The following SLC25A36 variants were observed in gnomAD, a reference collection of about 807,000 sequenced individuals.
The protein encoded by SLC25A36 is epididymis secretory sperm binding protein.
A neutral mutation model predicts 35.3 loss-of-function variants in SLC25A36; 24 were observed. The ratio of observed to expected loss-of-function variants is 0.68; its 90% CI spans 0.49 to 0.96. The LOEUF is 0.96. Among genes scored for constraint, SLC25A36 ranks in the 40% least tolerant of loss-of-function variants. The pLI, the probability that SLC25A36 is intolerant of heterozygous loss-of-function variation, is 0.00. For missense variants in SLC25A36, 294 were observed against 381.1 expected, an observed-to-expected ratio of 0.77 and a Z score of 1.90; for synonymous variants, 141 against 132.2, an observed-to-expected ratio of 1.07 and a Z score of -0.46.
At chr3:140,975,056 G>GTCA (rs1935001018) in intron 6 of SLC25A36, among the ~76,000 whole-genome samples, 1 of 124,842 alleles carries the variant, frequency 8.0e-6, no homozygotes, top group Admixed American at 9.2e-5. Flanking sequence ...GTGAGATGAT[G>GTCA]TCATTACAGG....
chr3:140,963,359 G>T (rs905236358), intron 4 of SLC25A36, 132 bp downstream of exon 4: 2 of 615,336 alleles, frequency 3.3e-6, no homozygotes, highest in Non-Finnish European at 5.4e-6. Flanking sequence ...TACGTTTATC[G>T]ATATAAACCA....
intron 3 of SLC25A36, among the ~76,000 whole-genome samples, chr3:140,962,120 G>A (rs877142): frequency 0.29 from 44,021 of 151,686 alleles, 11,245 homozygotes; most frequent in African/African-American, 0.69. Flanking sequence ...TTTCTTACCA[G>A]TTTCTAGAAA....
At chr3:140,942,608 C>G (rs1185690032) in intron 1 of SLC25A36, 1 of 152,588 alleles carries the variant, frequency 6.6e-6, no homozygotes, top group Non-Finnish European at 1.5e-5. Context: ...AGGCTGAGGA[C>G]AAAATGGGCG....
chr3:140,955,664 G>A (rs1934460788), intron 1 of SLC25A36, among the ~76,000 whole-genome samples: 1 of 152,046 alleles, frequency 6.6e-6, no homozygotes, highest in African/African-American at 2.4e-5. Flanking sequence ...GTGTAGGCCT[G>A]ACAGGTATTA....
chr3:140,968,799 TC>T (rs1934830049), intron 4 of SLC25A36: 1 of 686,434 alleles, frequency 1.5e-6, no homozygotes, highest in Non-Finnish European at 1.8e-6. Context: ...TAGGTGCTCA[TC>T]TTCTTTTCAA....
chr3:140,958,960 T>TTG (rs377492880), intron 2 of SLC25A36, among the ~76,000 whole-genome samples: 7,522 of 112,520 alleles, frequency 0.067, 267 homozygotes, highest in Non-Finnish European at 0.085. Flanking sequence ...AAACAATGTT[T>TTG]TGTGTGTGTG....
chr3:140,965,222 A>G (rs1353758277), intron 4 of SLC25A36: 5 of 151,830 alleles, frequency 3.3e-5, no homozygotes, highest in Admixed American at 3.3e-4. Flanking sequence ...CAGACTCATT[A>G]AAGTAGGCTT....
intron 4 of SLC25A36, chr3:140,963,508 T>G (rs1934682185): frequency 9.1e-6 from 2 of 219,600 alleles, no homozygotes; most frequent in African/African-American, 4.6e-5. Context: ...GTTTTAAGAA[T>G]CCAACCATAA....
At chr3:140,972,432 A>T (rs1428000515) in intron 5 of SLC25A36, among the ~76,000 whole-genome samples, 1 of 151,924 alleles carries the variant, frequency 6.6e-6, no homozygotes, top group African/African-American at 2.4e-5. Context: ...AGGCCAGGGC[A>T]GGAGGATTGC....
At chr3:140,966,438 C>G in intron 4 of SLC25A36, 1 of 205,408 alleles carries the variant, frequency 4.9e-6, no homozygotes, top group Non-Finnish European at 1.0e-5. Context: ...GTGAAAGGTA[C>G]TATTGTAGCA....
At position 140,941,911 on chromosome 3, in the gene SLC25A36, G is replaced by T. The variant is rs1934009402; in HGVS notation, c.-144G>T. ...TGCCGCGGGGAGGGCTGTGCCGGTT[G>T]CTTTCTGCAGCCGCATCTCGGCCAG... On this transcript the variant is annotated 5_prime_UTR_variant, in exon 1 of 7. Transcript: ENST00000324194. The T allele has an allele frequency of 1.8e-6, 1 of 546,714 alleles. No homozygotes were observed. The highest frequency in any genetic ancestry group is 3.2e-6 in the Non-Finnish European group (1 of 310,620). 33.9% of individuals were successfully genotyped at this position (546,714 alleles called of 1,614,324 possible).
rs892062671 is a variant in SLC25A36 at position 140,968,524 on chromosome 3, G to A, written c.386-2403G>A. The A allele has an allele frequency of 6.2e-6, 6 of 967,146 alleles. No individual in the cohort carries two copies. The African/African-American group carries it at 8.8e-5, about 14-fold the overall frequency. The allele number at this position is 967,146 out of a possible 1,614,324, so 59.9% of individuals were successfully genotyped here. On this transcript the variant is annotated intron_variant, in intron 4 of 6. Coordinates refer to ENST00000324194, the MANE Select transcript of SLC25A36 (RefSeq NM_001104647.3). ...GCTTGGAAATGAATTTTAGTTAAGT[G>A]AGAAATACCTGTTGTTTGCTTTCTG...
intron 2 of SLC25A36, among the ~76,000 whole-genome samples, chr3:140,958,807 T>TAAGA (rs1559813226): frequency 6.6e-6 from 1 of 152,172 alleles, no homozygotes; most frequent in East Asian, 1.9e-4. Context: ...AAATCGAAGA[T>TAAGA]AAGAGTAGCA....
At chr3:140,956,457 A>G in intron 1 of SLC25A36, 70 bp from the exon 2 acceptor site, 1 of 1,359,244 alleles carries the variant, frequency 7.4e-7, no homozygotes, top group Non-Finnish European at 9.5e-7. Flanking sequence ...TGTGGATTAC[A>G]GCTCTGGGCA....
Position 140,979,611 on chromosome 3 carries a change from C to T in SLC25A36, c.*3158C>T, listed in dbSNP as rs1203319475. 2 of 152,260 alleles carry T rather than the reference C, an allele frequency of 1.3e-5. No homozygotes were observed. The highest frequency in any genetic ancestry group is 2.1e-4 in the South Asian group (1 of 4,826). The allele number at this position is 152,260 out of a possible 1,614,324, so 9.4% of individuals were successfully genotyped here. ...ACAAACTTTCTGCCCACTCAGATCT[C>T]TTCTCCATCATGTACTTAGTATTTC... On this transcript the variant is annotated 3_prime_UTR_variant, in exon 7 of 7. Transcript: ENST00000324194.
chr3:140,970,232 C>G (rs1471943151), intron 4 of SLC25A36: 1 of 151,892 alleles, frequency 6.6e-6, no homozygotes, highest in East Asian at 1.9e-4. Context: ...GTCTTCTACC[C>G]TGAGTTTATT....
At chr3:140,952,694 G>C (rs1204288702) in intron 1 of SLC25A36, among the ~76,000 whole-genome samples, 2 of 152,048 alleles carry the variant, frequency 1.3e-5, no homozygotes, top group Non-Finnish European at 2.9e-5. Context: ...TGAGGCATAG[G>C]TATTGTTTTT....
At chr3:140,945,297 G>C (rs1216813451) in intron 1 of SLC25A36, among the ~76,000 whole-genome samples, 25 of 152,114 alleles carry the variant, frequency 1.6e-4, no homozygotes. Context: ...CTATCACCTT[G>C]GGATGTGAGT....
At chr3:140,943,152 A>G (rs1258915610) in intron 1 of SLC25A36, among the ~76,000 whole-genome samples, 1 of 152,078 alleles carries the variant, frequency 6.6e-6, no homozygotes, top group Admixed American at 6.5e-5. Flanking sequence ...GAGGATTATA[A>G]AGAGTTTTCT....
Sources: allele counts gnomAD v4.1 joint callset (sites outside exome capture counted in the v4.1 genomes callset), GRCh38; gene constraint gnomAD v4.1.1; transcripts MANE v1.5; gene names NCBI Gene and HGNC (gene_info 2026-07-23, HGNC 2026-07-21).